NAALADL2: variants seen among roughly 807,000 people sequenced by gnomAD.
NAALADL2 encodes the protein N-acetylated alpha-linked acidic dipeptidase like 2.
In NAALADL2, 76 loss-of-function variants were observed where a neutral mutation model predicts 87.2. The observed-to-expected ratio is 0.87, with a 90% confidence interval of 0.72 to 1.05. The LOEUF (loss-of-function observed/expected upper bound fraction) is 1.05. Ranked by LOEUF, NAALADL2 falls within the 50% of genes least tolerant of loss-of-function variation. The pLI is 0.00. For missense variants in NAALADL2, 1,089 were observed against 945.8 expected (o/e 1.15, Z -1.99); for synonymous variants, 354 against 331.0 (o/e 1.07, Z -0.75).
chr3:175,048,757 T>G (rs1283350865), intron 1 of NAALADL2, among the ~76,000 whole-genome samples: 1 of 152,170 alleles, frequency 6.6e-6, no homozygotes, highest in Non-Finnish European at 1.5e-5. Flanking sequence ...ATGTATTTCT[T>G]AATCAGTTCT....
chr3:175,361,202 C>A (rs530052170), intron 5 of NAALADL2, among the ~76,000 whole-genome samples: 2 of 151,932 alleles, frequency 1.3e-5, no homozygotes, highest in South Asian at 2.1e-4. Flanking sequence ...TGAACTCATC[C>A]TTTTTATGGC....
chr3:174,581,779 A>ATGCATGTCATCTCTGGCCTGG (rs1266174919), intron 2 of NAALADL2, among the ~76,000 whole-genome samples: 6 of 152,144 alleles, frequency 3.9e-5, no homozygotes, highest in Non-Finnish European at 8.8e-5. Context: ...GCGAGGACTG[A>ATGCATGTCATCTCTGGCCTGG]TGCATGTCAT....
intron 1 of NAALADL2, among the ~76,000 whole-genome samples, chr3:174,997,636 T>A (rs899783383): frequency 1.3e-5 from 2 of 152,092 alleles, no homozygotes; most frequent in East Asian, 3.9e-4. Context: ...ACCAGCCTGG[T>A]GAAACATTGT....
At chr3:175,216,814 GC>G (rs534251417) in intron 2 of NAALADL2, among the ~76,000 whole-genome samples, 3 of 151,612 alleles carry the variant, frequency 2.0e-5, no homozygotes, top group South Asian at 4.2e-4. Context: ...GATTACGGGT[GC>G]CCCCCACAAT....
chr3:175,404,823 G>A (rs1712010500), intron 5 of NAALADL2, among the ~76,000 whole-genome samples: 1 of 152,102 alleles, frequency 6.6e-6, no homozygotes, highest in Non-Finnish European at 1.5e-5. Context: ...TATCCATGTG[G>A]TGAGATAAAT....
At position 175,467,022 on chromosome 3, in the gene NAALADL2, T is replaced by G. The variant is rs1489056176; in HGVS notation, c.1371T>G (p.Ser457Arg). 6.2e-7 allele frequency: 1 copy of G among 1,613,854 alleles called. No individual in the cohort carries two copies. Among genetic ancestry groups the G allele is most frequent in the Admixed American group, 1.7e-5 (1 of 60,016 alleles). ...GCAGCCATCATCACACTGCACACAG[T>G]TATAATGGACAAGAATGGGCCAGTA... ...IVGSHHHTAH[S>R]YNGQEWASST... The change falls in exon 8 of 14, where the codon AGT (serine) becomes AGG (arginine). Residue 457 changes from serine to arginine, a missense_variant. Transcript: ENST00000454872.
chr3:175,808,812 C>T lies in NAALADL2; in HGVS notation c.*5609C>T, dbSNP rs987773740. 2.6e-5 allele frequency: 4 copies of T among 151,908 alleles called. No individual in the cohort carries two copies. Among genetic ancestry groups the T allele is most frequent in the African/African-American group, 7.2e-5 (3 of 41,380 alleles). 9.4% of individuals were successfully genotyped at this position (151,908 alleles called of 1,614,324 possible). On this transcript the variant is annotated 3_prime_UTR_variant, in exon 14 of 14. Transcript: ENST00000454872. ...TCTTTTGTTCTAATTAAAGTACAAA[C>T]GTGGCATCTGAATAGAAGCTTAGCT...
chr3:175,294,087 A>G (rs765007938), intron 4 of NAALADL2, among the ~76,000 whole-genome samples: 3 of 152,192 alleles, frequency 2.0e-5, no homozygotes, highest in Non-Finnish European at 2.9e-5. Context: ...AGATCCAGGG[A>G]CATAAAATTC....
chr3:175,777,420 TA>T (rs1750394651), intron 13 of NAALADL2, among the ~76,000 whole-genome samples: 1 of 152,048 alleles, frequency 6.6e-6, no homozygotes, highest in Non-Finnish European at 1.5e-5. Flanking sequence ...TTATATGCAT[TA>T]AAATATGCAA....
At chr3:175,493,686 T>C (rs1728417937) in intron 9 of NAALADL2, among the ~76,000 whole-genome samples, 1 of 152,154 alleles carries the variant, frequency 6.6e-6, no homozygotes, top group Admixed American at 6.6e-5. Flanking sequence ...TATCTATGTC[T>C]TTTCCCAAGG....
intron 2 of NAALADL2, among the ~76,000 whole-genome samples, chr3:174,579,016 C>T (rs914422780): frequency 1.3e-5 from 2 of 151,836 alleles, no homozygotes; most frequent in African/African-American, 4.8e-5. Flanking sequence ...TAAGTAAAAT[C>T]AATTGTCAGG....
intron 2 of NAALADL2, among the ~76,000 whole-genome samples, chr3:174,639,609 G>C (rs1261062232): frequency 1.3e-5 from 2 of 152,142 alleles, no homozygotes; most frequent in Non-Finnish European, 2.9e-5. Context: ...CTTTCTGCGG[G>C]CTTTTTAAAA....
chr3:175,401,812 G>C (rs1770594908), intron 5 of NAALADL2, among the ~76,000 whole-genome samples: 1 of 152,064 alleles, frequency 6.6e-6, no homozygotes, highest in Non-Finnish European at 1.5e-5. Context: ...AGACACAACT[G>C]ATTTTACCTG....
chr3:175,761,973 T>C (rs1190905861), intron 13 of NAALADL2, among the ~76,000 whole-genome samples: 3 of 152,316 alleles, frequency 2.0e-5, no homozygotes, highest in Non-Finnish European at 4.4e-5. Context: ...ACAGTACCTC[T>C]TGCAGAGCAG....
intron 11 of NAALADL2, among the ~76,000 whole-genome samples, chr3:175,639,338 TGA>T (rs1728978507): frequency 3.5e-5 from 5 of 143,156 alleles, no homozygotes; most frequent in East Asian, 2.0e-4. Flanking sequence ...TTTTTTTTTT[TGA>T]GACGGAGTCT....
intron 2 of NAALADL2, among the ~76,000 whole-genome samples, chr3:174,606,003 G>A (rs1327371690): frequency 2.0e-5 from 3 of 152,156 alleles, no homozygotes; most frequent in South Asian, 4.1e-4. Context: ...AGCAGCATTT[G>A]CGGTTCATGA....
intron 9 of NAALADL2, among the ~76,000 whole-genome samples, chr3:175,523,735 T>C (rs531860922): frequency 6.6e-6 from 1 of 152,274 alleles, no homozygotes; most frequent in African/African-American, 2.4e-5. Context: ...TAATTCTGAT[T>C]GGCTAATTTA....
intron 1 of NAALADL2, among the ~76,000 whole-genome samples, chr3:174,457,355 A>T (rs2108284854): frequency 1.3e-5 from 2 of 152,340 alleles, no homozygotes; most frequent in South Asian, 4.1e-4. Flanking sequence ...ATTACTGTTT[A>T]TGTACCCAAA....
chr3:174,767,202 C>G (rs958403849), intron 3 of NAALADL2, among the ~76,000 whole-genome samples: 11 of 152,160 alleles, frequency 7.2e-5, no homozygotes, highest in African/African-American at 2.7e-4. Flanking sequence ...ATATAATTAA[C>G]AGTTGATTGC....
Sources: gnomAD v4.1 joint callset for allele counts (sites outside exome capture counted in the v4.1 genomes callset) on GRCh38, gnomAD v4.1.1 for gene constraint, MANE v1.5 for transcripts, NCBI Gene and HGNC (gene_info 2026-07-23, HGNC 2026-07-21) for gene names.